The following PGBD2 variants were observed in gnomAD, a reference collection of about 807,000 sequenced individuals.
PGBD2 encodes piggyBac transposable element-derived protein 2.
Under a neutral mutation model 8.1 loss-of-function variants are expected in PGBD2, and 6 were observed. The ratio of observed to expected loss-of-function variants is 0.74; its 90% CI spans 0.40 to 1.46. The LOEUF (loss-of-function observed/expected upper bound fraction) is 1.46, where lower values mean the gene tolerates loss of function less well. Among genes scored for constraint, PGBD2 ranks in the 40% most tolerant of loss-of-function variants. The probability of loss-of-function intolerance (pLI) is 0.02; values close to 1 mark genes in which losing one functional copy is unlikely to be tolerated. For synonymous variants in PGBD2, 318 were observed against 272.2 expected (o/e 1.17, Z -1.66); for missense variants, 802 against 739.0 (o/e 1.09, Z -0.99).
intron 1 of PGBD2, among the ~76,000 whole-genome samples, chr1:248,913,404 GGTA>G (rs1661979766): frequency 6.6e-6 from 1 of 152,140 alleles, no homozygotes; most frequent in South Asian, 2.1e-4. Context: ...CTGCTGTCTA[GGTA>G]GTTCATTTTT....
At chr1:248,913,586 A>G (rs758132447) in intron 1 of PGBD2, among the ~76,000 whole-genome samples, 1 of 152,206 alleles carries the variant, frequency 6.6e-6, no homozygotes, top group Non-Finnish European at 1.5e-5. Flanking sequence ...CCACCCCACA[A>G]GGGAAGACTC....
upstream of PGBD2, among the ~76,000 whole-genome samples, chr1:248,902,506 C>T (rs1230116939): frequency 1.3e-5 from 2 of 152,100 alleles, no homozygotes; most frequent in African/African-American, 4.8e-5. Flanking sequence ...CATATACCCA[C>T]AGGAATATAA....
downstream of PGBD2, among the ~76,000 whole-genome samples, chr1:248,920,540 T>C (rs1662263151): frequency 6.6e-6 from 1 of 152,228 alleles, no homozygotes. Context: ...CTTTAGTCTA[T>C]TATTGATGGA....
intron 1 of PGBD2, among the ~76,000 whole-genome samples, chr1:248,907,725 G>A (rs994990038): frequency 2.0e-5 from 3 of 152,202 alleles, no homozygotes; most frequent in African/African-American, 7.2e-5. Flanking sequence ...CTTAAACCTT[G>A]ATTCCATACA....
chr1:248,900,879 G>C, the PGBD2 span, among the ~76,000 whole-genome samples: 1 of 152,114 alleles, frequency 6.6e-6, no homozygotes, highest in Non-Finnish European at 1.5e-5. Flanking sequence ...AGCTCATAAG[G>C]AACTTTAGCA....
chr1:248,895,695 T>C, the PGBD2 span, among the ~76,000 whole-genome samples: 5 of 151,814 alleles, frequency 3.3e-5, no homozygotes, highest in Non-Finnish European at 7.4e-5. Context: ...TTTTTTTGTT[T>C]TGTTTTGTTT....
the PGBD2 span, among the ~76,000 whole-genome samples, chr1:248,883,553 G>A: frequency 7.3e-6 from 1 of 137,162 alleles, no homozygotes; most frequent in Non-Finnish European, 1.6e-5. Context: ...CAGCCTGTCT[G>A]TTCACTCTGC....
At chr1:248,877,090 T>G in the PGBD2 span, among the ~76,000 whole-genome samples, 1 of 152,104 alleles carries the variant, frequency 6.6e-6, no homozygotes, top group African/African-American at 2.4e-5. Flanking sequence ...TAAAACAATA[T>G]TTGTATCCAG....
chr1:248,913,853 C>G lies in PGBD2; in HGVS notation c.-10C>G. The G allele has an allele frequency of 6.2e-7, 1 of 1,607,586 alleles. No homozygotes were observed. On this transcript the variant is annotated 5_prime_UTR_variant, in exon 2 of 3. Coordinates refer to ENST00000329291, the MANE Select transcript of PGBD2 (RefSeq NM_170725.3). ...TGTGAGTAAAGACAGCTTCATCTTC[C>G]CAGTTCATCATGGCTTCAACATCCA...
downstream of PGBD2, among the ~76,000 whole-genome samples, chr1:248,921,520 C>G (rs995959312): frequency 2.0e-5 from 3 of 152,160 alleles, no homozygotes; most frequent in Non-Finnish European, 1.5e-5. Flanking sequence ...CAGTACCATG[C>G]TGTTTTGCTT....
At chr1:248,927,097 G>T in the PGBD2 span, among the ~76,000 whole-genome samples, 1 of 152,178 alleles carries the variant, frequency 6.6e-6, no homozygotes, top group African/African-American at 2.4e-5. Context: ...GACACACAAA[G>T]GCTGGCTCTG....
At chr1:248,898,985 A>G in the PGBD2 span, among the ~76,000 whole-genome samples, 1 of 152,218 alleles carries the variant, frequency 6.6e-6, no homozygotes, top group East Asian at 1.9e-4. Flanking sequence ...CTTTAAACCA[A>G]CAGAGATTAA....
chr1:248,895,286 C>T, the PGBD2 span, among the ~76,000 whole-genome samples: 1 of 152,172 alleles, frequency 6.6e-6, no homozygotes, highest in East Asian at 1.9e-4. Flanking sequence ...GTCCTGCCCA[C>T]AGAGTGCTAG....
intron 1 of PGBD2, among the ~76,000 whole-genome samples, chr1:248,907,523 G>C (rs2103102164): frequency 6.6e-6 from 1 of 152,118 alleles, no homozygotes; most frequent in African/African-American, 2.4e-5. Context: ...TTCCCACGAG[G>C]CTGTATTTCA....
At chr1:248,914,988 A>G (rs1448509525) in intron 2 of PGBD2, among the ~76,000 whole-genome samples, 1 of 152,158 alleles carries the variant, frequency 6.6e-6, no homozygotes, top group Non-Finnish European at 1.5e-5. Flanking sequence ...TCTTGTCTCC[A>G]GCTGTCTGTA....
At chr1:248,920,882 A>T (rs111378261), downstream of PGBD2, among the ~76,000 whole-genome samples, 1 of 152,076 alleles carries the variant, frequency 6.6e-6, no homozygotes, top group Non-Finnish European at 1.5e-5. Context: ...ATTTGCATTT[A>T]TCTAATGACC....
At chr1:248,874,318 A>G in the PGBD2 span, among the ~76,000 whole-genome samples, 3 of 152,288 alleles carry the variant, frequency 2.0e-5, no homozygotes, top group East Asian at 1.9e-4. Context: ...CCGGTCAGGA[A>G]AGTAAGCCGT....
the PGBD2 span, among the ~76,000 whole-genome samples, chr1:248,887,841 T>C: frequency 6.6e-6 from 1 of 152,154 alleles, no homozygotes; most frequent in Non-Finnish European, 1.5e-5. Flanking sequence ...TTTGGGCTTC[T>C]GTTGATCCCA....
At position 248,917,993 on chromosome 1, in the gene PGBD2, T is replaced by C. The variant is rs770785463; in HGVS notation, c.1409T>C (p.Ile470Thr). Residue 470 changes from isoleucine to threonine, a missense_variant, in exon 3 of 3, where the codon ATT becomes ACT. Ile to Thr is a moderately conservative substitution (Grantham distance 89). Coordinates refer to ENST00000329291, the MANE Select transcript of PGBD2 (RefSeq NM_170725.3). ...VGGVGRMDQNIAKYKVKIRGM... is the reference protein window; with the variant it reads ...VGGVGRMDQNTAKYKVKIRGM... Reference sequence around the variant, plus strand: ...GGCGTTGGTAGGATGGATCAGAATATTGCCAAGTACAAGGTGAAGATCCGA... The same window carrying C: ...GGCGTTGGTAGGATGGATCAGAATACTGCCAAGTACAAGGTGAAGATCCGA... 1.1e-5 allele frequency: 17 copies of C among 1,614,048 alleles called. No homozygotes were observed. The highest frequency in any genetic ancestry group is 1.4e-5 in the Non-Finnish European group (17 of 1,180,032).
Sources: allele counts gnomAD v4.1 joint callset (sites outside exome capture counted in the v4.1 genomes callset), GRCh38; gene constraint gnomAD v4.1.1; transcripts MANE v1.5; gene names NCBI Gene and HGNC (gene_info 2026-07-23, HGNC 2026-07-21).